Variants in RPS6KA2 observed in about 807,000 individuals in gnomAD.
RPS6KA2 encodes ribosomal protein S6 kinase alpha-2.
In RPS6KA2, 42 loss-of-function variants were observed where a neutral mutation model predicts 91.8. That is an observed-to-expected ratio of 0.46 (90% CI 0.36 to 0.59). The LOEUF (loss-of-function observed/expected upper bound fraction) is 0.59, where lower values mean the gene tolerates loss of function less well. Among genes scored for constraint, RPS6KA2 ranks in the 20% least tolerant of loss-of-function variants. The pLI, the probability that RPS6KA2 is intolerant of heterozygous loss-of-function variation, is 0.00. For missense variants in RPS6KA2, 798 were observed against 978.5 expected, an observed-to-expected ratio of 0.82 and a Z score of 2.46; for synonymous variants, 414 against 393.6, an observed-to-expected ratio of 1.05 and a Z score of -0.61.
intron 1 of RPS6KA2, among the ~76,000 whole-genome samples, chr6:166,545,862 C>A (rs1783809098): frequency 1.3e-5 from 2 of 152,214 alleles, no homozygotes; most frequent in South Asian, 4.1e-4. Context: ...TGGAGCGCCG[C>A]CACTTTTGCA....
intron 2 of RPS6KA2, among the ~76,000 whole-genome samples, chr6:166,748,736 CTCCTCAGGCCCCCAT>C (rs1791140242): frequency 1.1e-4 from 2 of 18,466 alleles, no homozygotes; most frequent in Non-Finnish European, 1.8e-4. Context: ...AGGCCCCCAT[CTCCTCAGGCCCCCAT>C]CTCCTCGGGC....
At chr6:166,633,765 T>G (rs959926099) in intron 2 of RPS6KA2, among the ~76,000 whole-genome samples, 3 of 152,356 alleles carry the variant, frequency 2.0e-5, no homozygotes, top group Non-Finnish European at 4.4e-5. Flanking sequence ...TCACGTATCA[T>G]GCATTTCATG....
chr6:166,426,034 T>C (rs902329408), intron 16 of RPS6KA2, among the ~76,000 whole-genome samples: 4 of 151,660 alleles, frequency 2.6e-5, no homozygotes, highest in Non-Finnish European at 4.4e-5. Context: ...TATTCCAAAA[T>C]TGACCACATA....
intron 2 of RPS6KA2, among the ~76,000 whole-genome samples, chr6:166,668,061 G>A (rs752804815): frequency 6.6e-6 from 1 of 152,228 alleles, no homozygotes; most frequent in East Asian, 1.9e-4. Context: ...AAAGCACTCA[G>A]TGTGCAGGGT....
chr6:166,501,485 C>T (rs1255387107), intron 6 of RPS6KA2, among the ~76,000 whole-genome samples: 2 of 152,214 alleles, frequency 1.3e-5, no homozygotes, highest in Non-Finnish European at 2.9e-5. Flanking sequence ...TGTGATGAGA[C>T]CTGCTCCCGG....
chr6:166,625,391 C>G (rs1583340269), intron 1 of RPS6KA2, among the ~76,000 whole-genome samples: 1 of 146,670 alleles, frequency 6.8e-6, no homozygotes, highest in Non-Finnish European at 1.5e-5. Context: ...CAGCCCAGCC[C>G]TCCTTGCAGA....
chr6:166,714,928 C>G (rs1250180504), intron 2 of RPS6KA2, among the ~76,000 whole-genome samples: 4 of 152,256 alleles, frequency 2.6e-5, no homozygotes, highest in African/African-American at 9.6e-5. Context: ...TCTGTTCTCT[C>G]TGCTGCAGGC....
chr6:166,530,979 C>T (rs967954770), intron 3 of RPS6KA2, among the ~76,000 whole-genome samples: 10 of 152,240 alleles, frequency 6.6e-5, no homozygotes, highest in African/African-American at 1.4e-4. Context: ...TGCCGCTCCA[C>T]GGCAGAACAT....
intron 2 of RPS6KA2, among the ~76,000 whole-genome samples, chr6:166,839,694 G>GAGGAGAGGA (rs1780413884): frequency 1.6e-4 from 1 of 6,256 alleles, no homozygotes; most frequent in Non-Finnish European, 4.1e-4. Flanking sequence ...AGAGGAGAGG[G>GAGGAGAGGA]GAGGAGAGGA....
At chr6:166,812,308 A>G (rs1387853167) in intron 2 of RPS6KA2, among the ~76,000 whole-genome samples, 1 of 152,178 alleles carries the variant, frequency 6.6e-6, no homozygotes, top group Non-Finnish European at 1.5e-5. Context: ...GTGAGCCAAG[A>G]TCGTGCTGCT....
intron 2 of RPS6KA2, among the ~76,000 whole-genome samples, chr6:166,723,739 C>T (rs1436705776): frequency 1.5e-5 from 2 of 136,156 alleles, no homozygotes; most frequent in African/African-American, 3.1e-5. Context: ...CTCATTCTGT[C>T]GCCCAGGCTG....
intron 1 of RPS6KA2, among the ~76,000 whole-genome samples, chr6:166,545,866 T>G (rs1304247527): frequency 6.6e-6 from 1 of 152,192 alleles, no homozygotes; most frequent in Non-Finnish European, 1.5e-5. Context: ...GCGCCGCCAC[T>G]TTTGCAGGGG....
intron 2 of RPS6KA2, among the ~76,000 whole-genome samples, chr6:166,837,231 G>A (rs1472689469): frequency 1.3e-5 from 2 of 152,074 alleles, no homozygotes; most frequent in Admixed American, 6.5e-5. Flanking sequence ...AGGGCGCCCT[G>A]CCCACCCCCA....
At chr6:166,795,228 T>C (rs180984756) in intron 2 of RPS6KA2, among the ~76,000 whole-genome samples, 6 of 152,318 alleles carry the variant, frequency 3.9e-5, no homozygotes, top group African/African-American at 1.4e-4. Flanking sequence ...GCCAGACCCA[T>C]TTGTGATATA....
At chr6:166,681,115 A>G (rs12206091) in intron 2 of RPS6KA2, among the ~76,000 whole-genome samples, 62,490 of 151,970 alleles carry the variant, frequency 0.41, 14,622 homozygotes, top group African/African-American at 0.65. Flanking sequence ...TGGAAAGGGC[A>G]GAGAGGCAGC....
At chr6:166,827,492 T>A (rs1446534429) in intron 2 of RPS6KA2, among the ~76,000 whole-genome samples, 3 of 152,228 alleles carry the variant, frequency 2.0e-5, no homozygotes, top group South Asian at 4.1e-4. Context: ...AATATATACA[T>A]AGTTTACTAT....
In RPS6KA2 at chr6:166,423,343, G is replaced by C. The variant is rs1220337841; in HGVS notation, c.1656C>G (p.Val552=). 6.2e-7 allele frequency: 1 copy of C among 1,614,192 alleles called. No individual in the cohort carries two copies. The highest frequency in any genetic ancestry group is 1.1e-5 in the South Asian group (1 of 91,090). Reference sequence around the variant, plus strand: ...GCTGCTTGGCAAAGCCGAAGTCGCAGACTCGGATGGATTCTGGGCTCCCCG... The same window carrying C: ...GCTGCTTGGCAAAGCCGAAGTCGCACACTCGGATGGATTCTGGGCTCCCCG... ...DESGSPESIR[V]CDFGFAKQLR... Residue 552 remains valine (V), a synonymous_variant, in exon 17 of 21, where the codon GTC becomes GTG. Transcript: ENST00000265678. The surrounding 1 kb of genome is among the most constrained non-coding windows in gnomAD (Gnocchi z 4.8).
At chr6:166,576,110 C>T (rs1214194826) in intron 1 of RPS6KA2, among the ~76,000 whole-genome samples, 2 of 152,202 alleles carry the variant, frequency 1.3e-5, no homozygotes, top group Non-Finnish European at 2.9e-5. Context: ...CTCATTATCT[C>T]TTGCCACCAC....
At chr6:166,450,546 C>T (rs1458007609) in intron 13 of RPS6KA2, among the ~76,000 whole-genome samples, 2 of 145,204 alleles carry the variant, frequency 1.4e-5, no homozygotes, top group Non-Finnish European at 3.0e-5. Context: ...CCATGGGGAC[C>T]ACCACAGGGG....
Sources: allele counts gnomAD v4.1 joint callset (sites outside exome capture counted in the v4.1 genomes callset), GRCh38; gene constraint gnomAD v4.1.1; non-coding constraint Gnocchi (gnomAD v3.1); transcripts MANE v1.5; gene names NCBI Gene and HGNC (gene_info 2026-07-23, HGNC 2026-07-21).